The following DRC9 variants were observed in gnomAD, a reference collection of about 807,000 sequenced individuals.
The protein encoded by DRC9 is dynein regulatory complex subunit 9, also known as dynein regulatory complex protein 9.
the DRC9 span, among the ~76,000 whole-genome samples, chr3:197,918,218 T>C: frequency 6.7e-6 from 1 of 149,968 alleles, no homozygotes; most frequent in Admixed American, 6.7e-5. Flanking sequence ...TGGGCCTACA[T>C]GTACGTGCTA....
the DRC9 span, among the ~76,000 whole-genome samples, chr3:197,941,285 C>CT: frequency 8.5e-6 from 1 of 117,502 alleles, no homozygotes; most frequent in Non-Finnish European, 1.7e-5. Flanking sequence ...TTCCTCTCTT[C>CT]CTTTCTTTCT....
chr3:197,946,434 C>CAAAAAAA, the DRC9 span, among the ~76,000 whole-genome samples: 1 of 72,622 alleles, frequency 1.4e-5, no homozygotes. Flanking sequence ...GACTCCGTCT[C>CAAAAAAA]AAAAAAAAAA....
the DRC9 span, among the ~76,000 whole-genome samples, chr3:197,898,365 A>G: frequency 2.0e-5 from 3 of 152,258 alleles, no homozygotes; most frequent in Admixed American, 2.0e-4. Flanking sequence ...ATTGGTTTAC[A>G]TGCATTTACT....
At chr3:197,952,167 T>TG in the DRC9 span, among the ~76,000 whole-genome samples, 49 of 126,890 alleles carry the variant, frequency 3.9e-4, no homozygotes, top group Non-Finnish European at 4.4e-4. Context: ...TATGGGTTTT[T>TG]TTTTTTTTTT....
the DRC9 span, among the ~76,000 whole-genome samples, chr3:197,946,811 A>G: frequency 6.6e-6 from 1 of 152,008 alleles, no homozygotes; most frequent in African/African-American, 2.4e-5. Context: ...TAAGCAGAAT[A>G]CCTTTCTTTT....
At chr3:197,953,065 C>G in the DRC9 span, among the ~76,000 whole-genome samples, 1 of 152,134 alleles carries the variant, frequency 6.6e-6, no homozygotes, top group Non-Finnish European at 1.5e-5. Context: ...TCCCAAAGTG[C>G]TGGGATTACA....
the DRC9 span, among the ~76,000 whole-genome samples, chr3:197,907,829 C>T: frequency 2.7e-4 from 41 of 150,362 alleles, no homozygotes; most frequent in Non-Finnish European, 5.5e-4. Flanking sequence ...GGTGACTGTA[C>T]CAGGTCTGAA....
At chr3:197,948,086 A>G in the DRC9 span, among the ~76,000 whole-genome samples, 2 of 151,148 alleles carry the variant, frequency 1.3e-5, no homozygotes, top group African/African-American at 4.9e-5. Context: ...GCACACACCA[A>G]CACCCCTGGC....
the DRC9 span, among the ~76,000 whole-genome samples, chr3:197,910,182 C>T: frequency 1.1e-3 from 167 of 152,208 alleles, 1 homozygote; most frequent in South Asian, 0.015. Context: ...CACCTGTAGT[C>T]CCAGCTACTC....
At chr3:197,953,020 C>T in the DRC9 span, among the ~76,000 whole-genome samples, 2 of 151,096 alleles carry the variant, frequency 1.3e-5, no homozygotes, top group Non-Finnish European at 3.0e-5. Context: ...AGGCTGGTCT[C>T]GAACTCCTGA....
chr3:197,904,065 TACATACATATATATATACATAC>T, the DRC9 span, among the ~76,000 whole-genome samples: 49 of 43,680 alleles, frequency 1.1e-3, no homozygotes, highest in African/African-American at 2.7e-3. Context: ...TATATATATA[TACATACATATATATATACATAC>T]ATATATATAT....
the DRC9 span, among the ~76,000 whole-genome samples, chr3:197,904,897 G>A: frequency 3.2e-4 from 49 of 152,216 alleles, no homozygotes; most frequent in Non-Finnish European, 4.4e-4. Flanking sequence ...AAACAATGGC[G>A]TACTATTCGG....
At chr3:197,921,665 G>A in the DRC9 span, among the ~76,000 whole-genome samples, 3 of 149,394 alleles carry the variant, frequency 2.0e-5, no homozygotes, top group Admixed American at 6.7e-5. Context: ...ATTTCACCTG[G>A]TTTCATCTTG....
the DRC9 span, among the ~76,000 whole-genome samples, chr3:197,927,633 TAAGA>T: frequency 1.3e-5 from 2 of 152,170 alleles, no homozygotes; most frequent in African/African-American, 4.8e-5. Flanking sequence ...AAAAAATAGA[TAAGA>T]AAGCTACAGA....
the DRC9 span, among the ~76,000 whole-genome samples, chr3:197,955,155 AG>A: frequency 6.6e-5 from 10 of 152,304 alleles, no homozygotes; most frequent in East Asian, 1.9e-4. Context: ...TCTTGGGGCC[AG>A]GGGGTACTGT....
chr3:197,926,229 AG>A, the DRC9 span: 1 of 634,734 alleles, frequency 1.6e-6, no homozygotes, highest in Non-Finnish European at 2.9e-6. Context: ...CTGACTCAGC[AG>A]GTCTGGGAGG....
At chr3:197,905,569 A>C in the DRC9 span, among the ~76,000 whole-genome samples, 467 of 151,822 alleles carry the variant, frequency 3.1e-3, 5 homozygotes, top group African/African-American at 0.01. Flanking sequence ...CAACATAAGA[A>C]ACCCTGTCTC....
chr3:197,911,260 A>T, the DRC9 span, among the ~76,000 whole-genome samples: 2 of 152,222 alleles, frequency 1.3e-5, no homozygotes, highest in African/African-American at 2.4e-5. Context: ...AGACCTTGAA[A>T]TTACTGCCTG....
the DRC9 span, chr3:197,926,103 T>C: frequency 6.7e-7 from 1 of 1,498,338 alleles, no homozygotes; most frequent in South Asian, 1.1e-5. Context: ...TCCTTTTTCC[T>C]CCCTAGAAGA....
Sources: gnomAD v4.1 joint callset for allele counts (sites outside exome capture counted in the v4.1 genomes callset) on GRCh38, gnomAD v4.1.1 for gene constraint, MANE v1.5 for transcripts, NCBI Gene and HGNC (gene_info 2026-07-23, HGNC 2026-07-21) for gene names.